The following CCDC88B variants were observed in gnomAD, a reference collection of about 807,000 sequenced individuals.
CCDC88B encodes the protein coiled-coil and HOOK domain protein 88B, also known as coiled-coil domain-containing protein 88B.
CCDC88B carries 138 observed loss-of-function variants against 183.7 expected under a neutral mutation model. That is an observed-to-expected ratio of 0.75 (90% confidence interval 0.65 to 0.87). The LOEUF is 0.87. Among genes scored for constraint, CCDC88B ranks in the 40% least tolerant of loss-of-function variants. The pLI, the probability that CCDC88B is intolerant of heterozygous loss-of-function variation, is 0.00. For synonymous variants in CCDC88B, 835 were observed against 867.5 expected (o/e 0.96, Z 0.66); for missense variants, 1,822 against 1,965.6 (o/e 0.93, Z 1.38).
chr11:64,357,156 C>G lies in CCDC88B; in HGVS notation c.*62C>G, dbSNP rs766338416. On this transcript the variant is annotated 3_prime_UTR_variant, in exon 27 of 27. Transcript: ENST00000356786. Reference sequence around the variant, plus strand: ...TCGGCACTGGAGTGTCAGCGGAGGCCCCAGGCAGCCCAAGAGCTCAGGGAG... The same window carrying G: ...TCGGCACTGGAGTGTCAGCGGAGGCGCCAGGCAGCCCAAGAGCTCAGGGAG... 1 of 1,591,030 alleles carries G rather than the reference C, an allele frequency of 6.3e-7. No individual in the cohort carries two copies. Among genetic ancestry groups the G allele is most frequent in the East Asian group, 2.2e-5 (1 of 44,786 alleles).
At position 64,344,459 on chromosome 11, in the gene CCDC88B, G is replaced by A. The variant is rs752759991; in HGVS notation, c.1918G>A (p.Gly640Arg). 4 of 1,594,572 alleles carry A rather than the reference G, an allele frequency of 2.5e-6. No individual in the cohort carries two copies. In the South Asian group the frequency reaches 3.4e-5, roughly 13 times the overall value. Residue 640 changes from glycine to arginine, a missense_variant, in exon 14 of 27, where the codon GGG becomes AGG. Gly to Arg is a moderately radical substitution (Grantham distance 125, BLOSUM62 -2). Coordinates refer to ENST00000356786, the MANE Select transcript of CCDC88B (RefSeq NM_032251.6). This position sits in a 1 kb window ranked among gnomAD's most constrained non-coding sequence, Gnocchi z 4.5. Reference sequence around the variant, plus strand: ...AGGCGAGTTGGTGCCTGAGGCCTGGGGGTTGAGACAGGAGGGCCCTGAGCA... The same window carrying A: ...AGGCGAGTTGGTGCCTGAGGCCTGGAGGTTGAGACAGGAGGGCCCTGAGCA... ...PQGELVPEAWGLRQEGPEHKP... is the reference protein window; with the variant it reads ...PQGELVPEAWRLRQEGPEHKP...
At chr11:64,350,235 AC>A (rs2036273835) in intron 16 of CCDC88B, 2 of 159,594 alleles carry the variant, frequency 1.3e-5, no homozygotes, top group Admixed American at 1.2e-4. Context: ...TGGGGTTGAA[AC>A]AGAGGCTTAG....
chr11:64,342,976 G>A (rs1453903633), intron 10 of CCDC88B, among the ~76,000 whole-genome samples: 6 of 150,892 alleles, frequency 4.0e-5, no homozygotes, highest in Admixed American at 3.3e-4. Flanking sequence ...AAAGGGCGGG[G>A]CCAGGGGCGA....
In CCDC88B at chr11:64,351,164, G is replaced by T. The variant is rs367801253; in HGVS notation, c.2867G>T (p.Arg956Leu). Residue 956 changes from arginine to leucine, a missense_variant, in exon 17 of 27, where the codon CGC (arginine) becomes CTC (leucine). Coordinates refer to ENST00000356786, the MANE Select transcript of CCDC88B (RefSeq NM_032251.6). ...LQLEEELFQL[R>L]QGPAGLGPKK... ...TCCCAGGGACTCTCCTTGCAGCTGCGCCAGGGCCCCGCGGGGCTGGGGCCC... is the reference window on the plus strand; with the variant it reads ...TCCCAGGGACTCTCCTTGCAGCTGCTCCAGGGCCCCGCGGGGCTGGGGCCC... 6.8e-7 allele frequency: 1 copy of T among 1,478,756 alleles called. No homozygotes were observed. Among genetic ancestry groups the T allele is most frequent in the Non-Finnish European group, 8.9e-7 (1 of 1,117,574 alleles). 91.6% of individuals were successfully genotyped at this position (1,478,756 alleles called of 1,614,324 possible).
intron 17 of CCDC88B, 22 bp from the exon 18 acceptor site, chr11:64,351,454 G>A (rs1412652644): frequency 6.3e-7 from 1 of 1,578,186 alleles, no homozygotes; most frequent in East Asian, 2.3e-5. Context: ...CCTGGCTATT[G>A]CTAACCCCCA....
At chr11:64,356,730 G>A (rs1388872944) in intron 26 of CCDC88B, 2 of 441,070 alleles carry the variant, frequency 4.5e-6, no homozygotes, top group Non-Finnish European at 8.0e-6. Context: ...GAGAGCAGGG[G>A]AGGGGTCAGG....
intron 25 of CCDC88B, 50 bp downstream of exon 25, chr11:64,355,450 C>T (rs1195102098): frequency 6.3e-7 from 1 of 1,580,806 alleles, no homozygotes; most frequent in South Asian, 1.1e-5. Flanking sequence ...TCTTTGTGGA[C>T]CCACCAGCTC....
chr11:64,341,497 T>C lies in CCDC88B; in HGVS notation c.524T>C (p.Ile175Thr), dbSNP rs1420199619. 1 of 1,613,774 alleles carries C rather than the reference T, an allele frequency of 6.2e-7. No individual in the cohort carries two copies. The highest frequency in any genetic ancestry group is 8.5e-7 in the Non-Finnish European group (1 of 1,180,004). Reference sequence around the variant, plus strand: ...GTCCAGAGCGAGCTGGCCGCTGCCATCCAGGAGGTACTGAGACGGTTCGGC... The same window carrying C: ...GTCCAGAGCGAGCTGGCCGCTGCCACCCAGGAGGTACTGAGACGGTTCGGC... ...LEVQSELAAA[I>T]QEVTQPGAGV... Residue 175 changes from isoleucine to threonine, a missense_variant, in exon 6 of 27, where the codon ATC becomes ACC. Ile to Thr is a moderately conservative substitution (Grantham distance 89). Coordinates refer to ENST00000356786, the MANE Select transcript of CCDC88B (RefSeq NM_032251.6).
intron 16 of CCDC88B, chr11:64,350,145 C>G: frequency 5.4e-6 from 1 of 184,012 alleles, no homozygotes; most frequent in Non-Finnish European, 1.2e-5. Context: ...GGAGGCCATG[C>G]AGGGGCTTGG....
At position 64,344,991 on chromosome 11, in the gene CCDC88B, C is replaced by T. The variant is rs770315982; in HGVS notation, c.2450C>T (p.Ala817Val). ...ASQEREALVE[A>V]LAAAGRERRQ... The stretch of plus-strand genomic sequence containing the variant: ...CAGGAACGGGAGGCGCTGGTGGAGG[C>T]GCTGGCAGCAGCGGGCCGGGAGCGG... The change falls in exon 14 of 27, where the codon GCG (alanine) becomes GTG (valine). Residue 817 changes from alanine (A) to valine (V), a missense_variant. Ala to Val is a moderately conservative substitution (Grantham distance 64). Transcript: ENST00000356786. This position sits in a 1 kb window ranked among gnomAD's most constrained non-coding sequence, Gnocchi z 4.5. The T allele has an allele frequency of 7.2e-5, 112 of 1,546,898 alleles. No individual in the cohort carries two copies. The highest frequency in any genetic ancestry group is 2.4e-4 in the Admixed American group (12 of 50,976).
chr11:64,345,324 G>A (rs997165631), intron 14 of CCDC88B, among the ~76,000 whole-genome samples, 167 bp downstream of exon 14: 1 of 152,146 alleles, frequency 6.6e-6, no homozygotes, highest in Non-Finnish European at 1.5e-5. Flanking sequence ...CTGGCCTGGG[G>A]CACAGAGCCA....
At chr11:64,340,784 G>A in intron 2 of CCDC88B, 32 bp downstream of exon 2, 1 of 1,584,188 alleles carries the variant, frequency 6.3e-7, no homozygotes, top group South Asian at 1.1e-5. Flanking sequence ...CGGTGGCGGG[G>A]AAGGATCTGA....
At chr11:64,351,042 G>T in intron 16 of CCDC88B, 118 bp from the exon 17 acceptor site, 1 of 636,682 alleles carries the variant, frequency 1.6e-6, no homozygotes. Context: ...CATGGGATTG[G>T]GGCGGGGTGG....
chr11:64,344,514 T>G lies in CCDC88B; in HGVS notation c.1973T>G (p.Val658Gly). ...CCAGGGCCTTCGGAGCCCAGCTCTG[T>G]GCAGCTGGAGGAGCAGGAGGGCCCA... ...HKPGPSEPSS[V>G]QLEEQEGPNQ... The change falls in exon 14 of 27, where the codon GTG (valine) becomes GGG (glycine). Residue 658 changes from valine to glycine, a missense_variant. Transcript: ENST00000356786. This position sits in a 1 kb window ranked among gnomAD's most constrained non-coding sequence, Gnocchi z 4.5. 6.2e-7 allele frequency: 1 copy of G among 1,607,912 alleles called. No homozygotes were observed. The highest frequency in any genetic ancestry group is 8.5e-7 in the Non-Finnish European group (1 of 1,177,192).
At chr11:64,352,638 G>A (rs2036383134) in intron 19 of CCDC88B, 106 bp from the exon 20 acceptor site, 1 of 1,524,886 alleles carries the variant, frequency 6.6e-7, no homozygotes, top group African/African-American at 1.4e-5. Flanking sequence ...GGGGGACCTA[G>A]GCTTAGGAGG....
Position 64,341,124 on chromosome 11 carries a change from C to A in CCDC88B, c.334C>A (p.Leu112Met), listed in dbSNP as rs2035826725. The stretch of plus-strand genomic sequence containing the variant: ...CTGCCTCCAGGAGGAGCTGCAGCTG[C>A]TGATCCTGTCGCCACCCCCAGACCT... ...RDFYQEELQL[L>M]ILSPPPDLQT... Residue 112 changes from leucine (L) to methionine (M), a missense_variant, in exon 4 of 27, where the codon CTG becomes ATG. Leu to Met is a conservative substitution (Grantham distance 15). Coordinates refer to ENST00000356786, the MANE Select transcript of CCDC88B (RefSeq NM_032251.6). 6.2e-7 allele frequency: 1 copy of A among 1,614,002 alleles called. No homozygotes were observed. The highest frequency in any genetic ancestry group is 1.1e-5 in the South Asian group (1 of 91,086).
At position 64,341,750 on chromosome 11, in the gene CCDC88B, C is replaced by G. The variant is rs1431616461; in HGVS notation, c.675+8C>G. 6.4e-7 allele frequency: 1 copy of G among 1,553,122 alleles called. No individual in the cohort carries two copies. The highest frequency in any genetic ancestry group is 8.7e-7 in the Non-Finnish European group (1 of 1,153,978). ...CGTGACCTGGGGGCCCAGGTAGGGG[C>G]AGCAGGGGCATCGTGGACTCAGGTT... is the stretch of plus-strand genomic sequence containing the variant. On this transcript the variant is annotated splice_region_variant and intron_variant, in intron 7 of 26. Coordinates refer to ENST00000356786, the MANE Select transcript of CCDC88B (RefSeq NM_032251.6).
chr11:64,343,903 C>G lies in CCDC88B; in HGVS notation c.1444C>G (p.Pro482Ala). The G allele has an allele frequency of 2.5e-6, 4 of 1,602,086 alleles. No homozygotes were observed. The highest frequency in any genetic ancestry group is 3.4e-6 in the Non-Finnish European group (4 of 1,174,368). The change falls in exon 13 of 27, where the codon CCA becomes GCA. Residue 482 changes from proline to alanine, a missense_variant. Transcript: ENST00000356786. ...GCTGCTTCAGGTGCTTCAGGGGCAG[C>G]CAGGGGGCCAGGTAAGTCCCCTCCC... Reference protein sequence around the residue: ...RGLLQVLQGQPGGQHPLLEAP... With the variant: ...RGLLQVLQGQAGGQHPLLEAP...
At chr11:64,352,423 C>A in intron 19 of CCDC88B, 37 bp downstream of exon 19, 3 of 1,498,314 alleles carry the variant, frequency 2.0e-6, no homozygotes, top group Non-Finnish European at 1.8e-6. Flanking sequence ...TCCCCTGGCA[C>A]CCCCTATCTG....
Sources: allele counts gnomAD v4.1 joint callset (sites outside exome capture counted in the v4.1 genomes callset), GRCh38; gene constraint gnomAD v4.1.1; non-coding constraint Gnocchi (gnomAD v3.1); transcripts MANE v1.5; gene names NCBI Gene and HGNC (gene_info 2026-07-23, HGNC 2026-07-21).